Variants in INTS6 observed in about 807,000 individuals in gnomAD.
INTS6 encodes integrator complex subunit 6.
Under a neutral mutation model 104.9 loss-of-function variants are expected in INTS6, and 16 were observed. The observed-to-expected ratio is 0.15, with a 90% CI of 0.10 to 0.23. The LOEUF is 0.23. Ranked by LOEUF, INTS6 falls within the 10% of genes least tolerant of loss-of-function variation. The pLI is 1.00. For synonymous variants in INTS6, 324 were observed against 358.7 expected (o/e 0.90, Z 1.09); for missense variants, 584 against 1,062.8 (o/e 0.55, Z 6.26).
chr13:51,378,974 CATT>C (rs1427750172), intron 11 of INTS6, among the ~76,000 whole-genome samples: 1 of 151,896 alleles, frequency 6.6e-6, no homozygotes, highest in Non-Finnish European at 1.5e-5. Context: ...TTTCATAGGA[CATT>C]AATAATTTCA....
intron 14 of INTS6, 51 bp from the exon 15 acceptor site, chr13:51,374,490 T>C: frequency 1.3e-6 from 2 of 1,571,398 alleles, no homozygotes; most frequent in Non-Finnish European, 1.7e-6. Flanking sequence ...AATGTTTAAA[T>C]GGCACAACCA....
the INTS6 span, chr13:51,341,343 C>T: frequency 1.3e-6 from 2 of 1,593,274 alleles, no homozygotes; most frequent in African/African-American, 1.3e-5. Flanking sequence ...GGTACACTGT[C>T]CATGGTAAGA....
At chr13:51,382,368 T>C (rs1845349074) in intron 9 of INTS6, among the ~76,000 whole-genome samples, 1 of 152,202 alleles carries the variant, frequency 6.6e-6, no homozygotes, top group Non-Finnish European at 1.5e-5. Flanking sequence ...GGAAAATCTA[T>C]GCCCTCCCTA....
chr13:51,452,739 C>A lies in INTS6; in HGVS notation c.-214G>T, dbSNP rs897589061. The A allele has an allele frequency of 4.1e-6, 5 of 1,233,220 alleles. No homozygotes were observed. The African/African-American group carries it at 4.9e-5, about 12-fold the overall frequency. The allele number at this position is 1,233,220 out of a possible 1,614,324, so 76.4% of individuals were successfully genotyped here. On this transcript the variant is annotated 5_prime_UTR_variant, in exon 1 of 18. Coordinates refer to ENST00000311234, the MANE Select transcript of INTS6 (RefSeq NM_012141.3). This position sits in a 1 kb window ranked among gnomAD's most constrained non-coding sequence, Gnocchi z 4.2. ...GACCCAGTGCTCCCCGTCGTACCCC[C>A]GCCTCCGCCTCCTCCTGCCTGCCTG...
At chr13:51,347,307 G>T in the INTS6 span, 7 of 1,292,808 alleles carry the variant, frequency 5.4e-6, no homozygotes, top group African/African-American at 1.0e-4. Context: ...GAGGAGGCCA[G>T]GTCCCTGCTC....
chr13:51,409,263 AAATAATAATAAT>A (rs57913744), intron 4 of INTS6, among the ~76,000 whole-genome samples: 5,023 of 135,910 alleles, frequency 0.037, 138 homozygotes, highest in African/African-American at 0.07. Context: ...AATCCGTCTC[AAATAATAATAAT>A]AATAATAATA....
At chr13:51,433,676 A>T (rs1957137457) in intron 3 of INTS6, among the ~76,000 whole-genome samples, 1 of 152,242 alleles carries the variant, frequency 6.6e-6, no homozygotes, top group South Asian at 2.1e-4. Flanking sequence ...ATTAAAACTT[A>T]ACAGAAAGTC....
chr13:51,442,164 A>T, intron 3 of INTS6: 1 of 134,098 alleles, frequency 7.5e-6, no homozygotes, highest in Non-Finnish European at 1.6e-5. Flanking sequence ...TTTGAGATGA[A>T]GTTTCGTTCT....
intron 4 of INTS6, among the ~76,000 whole-genome samples, chr13:51,396,206 C>T (rs1045316975): frequency 6.6e-6 from 1 of 152,120 alleles, no homozygotes; most frequent in Non-Finnish European, 1.5e-5. Flanking sequence ...AACATCTTTA[C>T]AGCTCTTAAT....
the INTS6 span, among the ~76,000 whole-genome samples, chr13:51,346,040 G>A: frequency 1.3e-5 from 2 of 152,200 alleles, no homozygotes; most frequent in African/African-American, 2.4e-5. Context: ...CAACTTCTCT[G>A]AGCCTCAGTT....
chr13:51,361,215 G>C, downstream of INTS6: 1 of 1,048,706 alleles, frequency 9.5e-7, no homozygotes. Context: ...TAAAGAATGT[G>C]TTCTAAATGT....
At chr13:51,380,803 T>C (rs1425936403) in intron 10 of INTS6, among the ~76,000 whole-genome samples, 1 of 152,228 alleles carries the variant, frequency 6.6e-6, no homozygotes, top group Non-Finnish European at 1.5e-5. Flanking sequence ...CCTACTATGA[T>C]ACACTATTTT....
rs757517701 is a variant in INTS6 at position 51,364,088 on chromosome 13, T to C, written c.*1664A>G. The C allele has an allele frequency of 7.1e-5, 29 of 409,196 alleles. 1 individual carries two copies. The highest frequency in any genetic ancestry group is 9.9e-5 in the Non-Finnish European group (23 of 233,248). 25.3% of individuals were successfully genotyped at this position (409,196 alleles called of 1,614,324 possible). On this transcript the variant is annotated 3_prime_UTR_variant, in exon 18 of 18. Transcript: ENST00000311234. ...GATTTTGTGTAACTCTCAATGAATT[T>C]AGCAATGTGACTACAGGCAATTACC...
chr13:51,389,433 A>C lies in INTS6; in HGVS notation c.625T>G (p.Ser209Ala), dbSNP rs780235517. ...TTAAGCATTCTTGGAGAACACACAG[A>C]ATATGAACGGCCTGAGATTAAAAAA... is the stretch of plus-strand genomic sequence containing the variant. ...MCEVTGGRSY[S>A]VCSPRMLNQC... Residue 209 changes from serine (S) to alanine (A), a missense_variant, in exon 6 of 18, where the codon TCT becomes GCT. This residue lies in a region of INTS6 where 144 missense variants were observed against 348.7 expected (regional missense o/e 0.41). Coordinates refer to ENST00000311234, the MANE Select transcript of INTS6 (RefSeq NM_012141.3). 1 of 1,607,178 alleles carries C rather than the reference A, an allele frequency of 6.2e-7. No individual in the cohort carries two copies. Among genetic ancestry groups the C allele is most frequent in the South Asian group, 1.1e-5 (1 of 89,338 alleles).
intron 4 of INTS6, among the ~76,000 whole-genome samples, chr13:51,412,983 T>C (rs1956714861): frequency 6.6e-6 from 1 of 152,144 alleles, no homozygotes; most frequent in Non-Finnish European, 1.5e-5. Flanking sequence ...AATGCGAAAT[T>C]TCGTGATATT....
intron 3 of INTS6, among the ~76,000 whole-genome samples, chr13:51,354,698 G>A (rs765858975): frequency 1.1e-4 from 16 of 152,098 alleles, no homozygotes; most frequent in South Asian, 2.1e-4. Flanking sequence ...TCTATATATC[G>A]TAAGAGCAGA....
chr13:51,424,710 G>A (rs1956957382), intron 4 of INTS6, among the ~76,000 whole-genome samples: 1 of 152,120 alleles, frequency 6.6e-6, no homozygotes, highest in South Asian at 2.1e-4. Flanking sequence ...TCGCAAATCA[G>A]TAAGACAAGA....
intron 7 of INTS6, among the ~76,000 whole-genome samples, chr13:51,386,834 T>A (rs933694849): frequency 6.6e-6 from 1 of 152,026 alleles, no homozygotes; most frequent in Non-Finnish European, 1.5e-5. Flanking sequence ...TGTACCCTAT[T>A]ATTTTAAGAA....
chr13:51,401,077 C>A (rs545042254), intron 4 of INTS6, among the ~76,000 whole-genome samples: 1 of 152,144 alleles, frequency 6.6e-6, no homozygotes, highest in African/African-American at 2.4e-5. Context: ...AAACCAAAGA[C>A]AAGAAAACTT....
Sources: allele counts gnomAD v4.1 joint callset (sites outside exome capture counted in the v4.1 genomes callset), GRCh38; gene constraint gnomAD v4.1.1; regional missense constraint gnomAD v4.1.1; non-coding constraint Gnocchi (gnomAD v3.1); transcripts MANE v1.5; gene names NCBI Gene and HGNC (gene_info 2026-07-23, HGNC 2026-07-21).